The following CFAP20DC variants were observed in gnomAD, a reference collection of about 807,000 sequenced individuals.
CFAP20DC encodes the protein CFAP20 domain containing.
Under a neutral mutation model 101.7 loss-of-function variants are expected in CFAP20DC, and 84 were observed. The ratio of observed to expected loss-of-function variants is 0.83; its 90% CI spans 0.69 to 0.99. CFAP20DC has a LOEUF of 0.99. CFAP20DC is among the 50% of genes least tolerant of loss of function. The probability of loss-of-function intolerance (pLI) is 0.00; values close to 1 mark genes in which losing one functional copy is unlikely to be tolerated. For synonymous variants in CFAP20DC, 359 were observed against 351.2 expected (o/e 1.02, Z -0.25); for missense variants, 1,007 against 970.3 (o/e 1.04, Z -0.50).
Position 58,822,053 on chromosome 3 carries a change from C to G in CFAP20DC, c.2175+9633G>C, listed in dbSNP as rs1431285729. ...AGTAAACTATCGCAAGAACAAAAAA[C>G]CAAACACCGCATATTCTCACTCATA... On this transcript the variant is annotated intron_variant, in intron 14 of 16. Transcript: ENST00000482387. 1.8e-4 allele frequency among the ~76,000 whole-genome samples: 25 copies of G among 140,450 alleles called. No individual in the cohort carries two copies. In the South Asian group the frequency reaches 5.5e-3, roughly 31 times the overall value. The allele number at this position is 140,450 out of a possible 152,430, so 92.1% of individuals were successfully genotyped here. A position where few individuals can be genotyped will look rare whatever the true frequency, so the allele number is the denominator to read the frequency against.
chr3:58,869,257 G>A lies in CFAP20DC; in HGVS notation c.1015+71C>T. The stretch of plus-strand genomic sequence containing the variant: ...AGATCTAGACTTGAATATAACTGCT[G>A]ATTTATCTTAACAAGAACATTTCTC... On this transcript the variant is annotated intron_variant, in intron 9 of 16. Coordinates refer to ENST00000482387, the MANE Select transcript of CFAP20DC (RefSeq NM_001394063.1). This position sits in a 1 kb window ranked among gnomAD's most constrained non-coding sequence, Gnocchi z 4.3. 8.0e-7 allele frequency: 1 copy of A among 1,257,000 alleles called. No homozygotes were observed. Among genetic ancestry groups the A allele is most frequent in the East Asian group, 2.5e-5 (1 of 40,054 alleles). The allele number at this position is 1,257,000 out of a possible 1,614,324, so 77.9% of individuals were successfully genotyped here. A position where few individuals can be genotyped will look rare whatever the true frequency, so the allele number is the denominator to read the frequency against.
In CFAP20DC at chr3:59,007,693, C is replaced by G. The variant is rs561491447; in HGVS notation, c.278+31864G>C. Among the ~76,000 whole-genome samples the G allele has an allele frequency of 1.1e-4, 17 of 152,322 alleles. No individual in the cohort carries two copies. The highest frequency in any genetic ancestry group is 4.1e-4 in the African/African-American group (17 of 41,578). On this transcript the variant is annotated intron_variant, in intron 4 of 16. Transcript: ENST00000482387. This position sits in a 1 kb window ranked among gnomAD's most constrained non-coding sequence, Gnocchi z 4.4. ...TGACGACAGATCACATCACAGGACT[C>G]TTTGCAGACATTCCCCAGCAGCAGT...
At chr3:59,029,613 G>A (rs960967286) in intron 4 of CFAP20DC, among the ~76,000 whole-genome samples, 3 of 151,756 alleles carry the variant, frequency 2.0e-5, no homozygotes, top group Admixed American at 6.6e-5. Flanking sequence ...AGAAGGGAGA[G>A]GTGAGACCAG....
chr3:58,923,104 G>A (rs1411061888), intron 5 of CFAP20DC, among the ~76,000 whole-genome samples: 6 of 151,902 alleles, frequency 3.9e-5, no homozygotes, highest in South Asian at 4.1e-4. Flanking sequence ...ATGGGGTTTC[G>A]CCATGCTGCC....
chr3:58,869,553 T>A lies in CFAP20DC; in HGVS notation c.853-63A>T. On this transcript the variant is annotated intron_variant, in intron 8 of 16. Coordinates refer to ENST00000482387, the MANE Select transcript of CFAP20DC (RefSeq NM_001394063.1). The surrounding 1 kb of genome is among the most constrained non-coding windows in gnomAD (Gnocchi z 4.3). ...AACTACATTTGTTTTCTGTAGAAGC[T>A]ATATAGAAAACATAATATTTGGACC... 7.7e-7 allele frequency: 1 copy of A among 1,290,608 alleles called. No homozygotes were observed. The highest frequency in any genetic ancestry group is 1.0e-6 in the Non-Finnish European group (1 of 957,018). 79.9% of individuals were successfully genotyped at this position (1,290,608 alleles called of 1,614,324 possible).
chr3:58,962,217 G>A (rs928942704), intron 4 of CFAP20DC, among the ~76,000 whole-genome samples: 1 of 152,020 alleles, frequency 6.6e-6, no homozygotes. Flanking sequence ...CTGCATTTTC[G>A]TTTTCCTTCA....
intron 7 of CFAP20DC, among the ~76,000 whole-genome samples, chr3:58,884,091 C>A (rs991652094): frequency 2.0e-5 from 3 of 152,102 alleles, no homozygotes; most frequent in Admixed American, 1.3e-4. Flanking sequence ...TCTGGTGAGA[C>A]TGGGCCTGCC....
At position 58,869,524 on chromosome 3, in the gene CFAP20DC, T is replaced by C. The variant is rs373499464; in HGVS notation, c.853-34A>G. Reference sequence around the variant, plus strand: ...GAATTAATCTGTACATTTTAAAATATAGCAACTACATTTGTTTTCTGTAGA... The same window carrying C: ...GAATTAATCTGTACATTTTAAAATACAGCAACTACATTTGTTTTCTGTAGA... On this transcript the variant is annotated intron_variant, in intron 8 of 16. Transcript: ENST00000482387. This position sits in a 1 kb window ranked among gnomAD's most constrained non-coding sequence, Gnocchi z 4.3. 60 of 1,486,536 alleles carry C rather than the reference T, an allele frequency of 4.0e-5. No individual in the cohort carries two copies. In the African/African-American group the frequency reaches 6.9e-4, roughly 17 times the overall value. 92.1% of individuals were successfully genotyped at this position (1,486,536 alleles called of 1,614,324 possible).
At chr3:58,986,663 A>C (rs1038342979) in intron 4 of CFAP20DC, among the ~76,000 whole-genome samples, 3 of 152,172 alleles carry the variant, frequency 2.0e-5, no homozygotes, top group African/African-American at 7.2e-5. Context: ...ACTTTAAACT[A>C]CCCTTGTGAG....
At chr3:58,889,957 TAC>T (rs1488556935) in intron 6 of CFAP20DC, among the ~76,000 whole-genome samples, 1 of 133,940 alleles carries the variant, frequency 7.5e-6, no homozygotes, top group Non-Finnish European at 1.6e-5. Context: ...TACTTCTTTC[TAC>T]ACAGACACGG....
At chr3:59,041,277 A>G (rs1467045330) in intron 3 of CFAP20DC, among the ~76,000 whole-genome samples, 1 of 152,126 alleles carries the variant, frequency 6.6e-6, no homozygotes, top group African/African-American at 2.4e-5. Context: ...GCATTTTTAT[A>G]TGAGCATTTT....
chr3:58,898,583 G>A (rs1319682661), intron 6 of CFAP20DC, among the ~76,000 whole-genome samples: 3 of 152,140 alleles, frequency 2.0e-5, no homozygotes, highest in Admixed American at 2.0e-4. Context: ...ATCAGGTCCT[G>A]TATTGTTTTA....
intron 4 of CFAP20DC, among the ~76,000 whole-genome samples, chr3:59,034,234 C>A (rs1459292258): frequency 2.0e-5 from 3 of 152,096 alleles, no homozygotes; most frequent in African/African-American, 7.2e-5. Context: ...CCAGCCACTG[C>A]AAAAACATAC....
chr3:58,890,380 C>T lies in CFAP20DC; in HGVS notation c.551-5671G>A, dbSNP rs1314116438. 2.9e-4 allele frequency among the ~76,000 whole-genome samples: 39 copies of T among 135,898 alleles called. No individual in the cohort carries two copies. In the East Asian group the frequency reaches 5.2e-3, roughly 18 times the overall value. 89.2% of individuals were successfully genotyped at this position (135,898 alleles called of 152,430 possible). Reference sequence around the variant, plus strand: ...GGGGCTCCTCACTTCCCAGTAGGGGCGGCCGGGCAGAGGCGCCCCTCACCT... The same window carrying T: ...GGGGCTCCTCACTTCCCAGTAGGGGTGGCCGGGCAGAGGCGCCCCTCACCT... On this transcript the variant is annotated intron_variant, in intron 6 of 16. Coordinates refer to ENST00000482387, the MANE Select transcript of CFAP20DC (RefSeq NM_001394063.1).
chr3:58,978,874 T>C (rs1175661693), intron 4 of CFAP20DC, among the ~76,000 whole-genome samples: 1 of 152,086 alleles, frequency 6.6e-6, no homozygotes, highest in Non-Finnish European at 1.5e-5. Flanking sequence ...TCCTCTGGCT[T>C]TTAGTTTTCA....
chr3:58,785,447 C>T (rs935090853), intron 15 of CFAP20DC, among the ~76,000 whole-genome samples: 5 of 152,054 alleles, frequency 3.3e-5, no homozygotes, highest in African/African-American at 1.2e-4. Context: ...ATGATACCAA[C>T]ACACAGAAAT....
rs137936326 is a variant in CFAP20DC at position 58,972,506 on chromosome 3, T to C, written c.279-34744A>G. Among the ~76,000 whole-genome samples, 351 of 152,294 alleles carry C rather than the reference T, an allele frequency of 2.3e-3. 1 individual carries two copies. Among genetic ancestry groups the C allele is most frequent in the Non-Finnish European group, 4.1e-3 (281 of 68,016 alleles). On this transcript the variant is annotated intron_variant, in intron 4 of 16. Coordinates refer to ENST00000482387, the MANE Select transcript of CFAP20DC (RefSeq NM_001394063.1). ...ATGGTTTTGGTTATTATGGATTGCA[T>C]TAGTGAAATACACTGGTGCCATTTT...
In CFAP20DC at chr3:58,913,743, A is replaced by G; in HGVS notation, c.515T>C (p.Leu172Ser). The change falls in exon 6 of 17, where the codon TTA becomes TCA. Residue 172 changes from leucine to serine, a missense_variant. Coordinates refer to ENST00000482387, the MANE Select transcript of CFAP20DC (RefSeq NM_001394063.1). This position sits in a 1 kb window ranked among gnomAD's most constrained non-coding sequence, Gnocchi z 4.4. ...ANCKLRKIFT[L>S]KSKPQDTADK... is the part of the protein sequence containing the mutation. ...AGCAGTGTCTTGTGGCTTTGATTTT[A>G]AGGTGAAGATCTTCCGTAGCTTACA... 6.2e-7 allele frequency: 1 copy of G among 1,613,736 alleles called. No homozygotes were observed. Among genetic ancestry groups the G allele is most frequent in the Non-Finnish European group, 8.5e-7 (1 of 1,179,794 alleles).
chr3:58,825,423 AT>A (rs2075973773), intron 14 of CFAP20DC, among the ~76,000 whole-genome samples: 1 of 152,124 alleles, frequency 6.6e-6, no homozygotes, highest in Admixed American at 6.6e-5. Flanking sequence ...GATCATGTCC[AT>A]AAATGGCAGA....
Sources: allele counts gnomAD v4.1 joint callset (sites outside exome capture counted in the v4.1 genomes callset), GRCh38; gene constraint gnomAD v4.1.1; non-coding constraint Gnocchi (gnomAD v3.1); transcripts MANE v1.5; gene names NCBI Gene and HGNC (gene_info 2026-07-23, HGNC 2026-07-21).